The following SANBR variants were observed in gnomAD, a reference collection of about 807,000 sequenced individuals.
SANBR encodes SANT and BTB domain regulator of CSR.
Under a neutral mutation model 101.8 loss-of-function variants are expected in SANBR, and 77 were observed. The ratio of observed to expected loss-of-function variants is 0.76; its 90% CI spans 0.63 to 0.91. The LOEUF is 0.91. Among genes scored for constraint, SANBR ranks in the 40% least tolerant of loss-of-function variants. SANBR has a pLI of 0.00. For missense variants in SANBR, 875 were observed against 853.0 expected (o/e 1.03, Z -0.32); for synonymous variants, 279 against 274.7 (o/e 1.02, Z -0.15).
chr2:61,098,796 A>G (rs772904986), intron 12 of SANBR, among the ~76,000 whole-genome samples: 1 of 152,256 alleles, frequency 6.6e-6, no homozygotes, highest in South Asian at 2.1e-4. Context: ...AAGATGTGCT[A>G]TACACTGTGC....
chr2:61,098,008 C>G (rs575720944), intron 12 of SANBR, among the ~76,000 whole-genome samples, 156 bp downstream of exon 12: 1 of 151,720 alleles, frequency 6.6e-6, no homozygotes, highest in Admixed American at 6.6e-5. Flanking sequence ...GAGATAATCA[C>G]TGTTAATGGT....
At chr2:61,095,879 G>A (rs529363078) in intron 11 of SANBR, among the ~76,000 whole-genome samples, 55 of 152,154 alleles carry the variant, frequency 3.6e-4, no homozygotes, top group African/African-American at 1.3e-3. Flanking sequence ...CACCTTTTCT[G>A]GTCCTTTCCC....
At chr2:61,072,182 G>A (rs748848262) in intron 4 of SANBR, among the ~76,000 whole-genome samples, 2 of 152,058 alleles carry the variant, frequency 1.3e-5, no homozygotes, top group Admixed American at 6.6e-5. Context: ...CAGGCCATCC[G>A]TCCGCCTCAG....
chr2:61,083,033 C>G (rs1463285678), intron 7 of SANBR, 121 bp from the exon 8 acceptor site: 1 of 769,128 alleles, frequency 1.3e-6, no homozygotes, highest in Non-Finnish European at 2.1e-6. Context: ...GGTGGCAAAA[C>G]CCAGTTAGTG....
chr2:61,133,456 T>C (rs573273171), intron 20 of SANBR, among the ~76,000 whole-genome samples: 1 of 151,292 alleles, frequency 6.6e-6, no homozygotes, highest in East Asian at 2.0e-4. Context: ...AATTTCACTT[T>C]CAATAAAAAA....
rs1684376108 is a variant in SANBR at position 61,122,538 on chromosome 2, A to G, written c.*376A>G. 2.0e-6 allele frequency: 2 copies of G among 1,003,996 alleles called. No homozygotes were observed. Among genetic ancestry groups the G allele is most frequent in the African/African-American group, 1.7e-5 (1 of 57,806 alleles). 62.2% of individuals were successfully genotyped at this position (1,003,996 alleles called of 1,614,324 possible). ...GGGGAACACAACTGGTAGTGTTACC[A>G]TGCATGGCACTGATTGTAGTATGTC... On this transcript the variant is annotated 3_prime_UTR_variant, in exon 22 of 22. Transcript: ENST00000402291.
downstream of SANBR, among the ~76,000 whole-genome samples, chr2:61,126,922 C>T (rs781388836): frequency 5.9e-5 from 9 of 152,122 alleles, no homozygotes; most frequent in East Asian, 3.8e-4. Flanking sequence ...TAGCCATTCC[C>T]GCTGTCTAGA....
rs1573648223 is a variant in SANBR at position 61,108,478 on chromosome 2, T to G, written c.1644+129T>G. ...AATGTACATCTTCCTTTTCAGATTC[T>G]CCTATTTTGCACTTAAGTAAAAATG... is the stretch of plus-strand genomic sequence containing the variant. On this transcript the variant is annotated intron_variant, in intron 15 of 21. Coordinates refer to ENST00000402291, the MANE Select transcript of SANBR (RefSeq NM_001129993.3). 5.3e-6 allele frequency: 3 copies of G among 565,686 alleles called. No homozygotes were observed. The African/African-American group carries it at 5.9e-5, about 11-fold the overall frequency. The allele number at this position is 565,686 out of a possible 1,614,324, so 35.0% of individuals were successfully genotyped here.
At position 61,071,786 on chromosome 2, in the gene SANBR, A is replaced by G. The variant is rs771642227; in HGVS notation, c.331A>G (p.Lys111Glu). 32 of 1,592,712 alleles carry G rather than the reference A, an allele frequency of 2.0e-5. No homozygotes were observed. The highest frequency in any genetic ancestry group is 2.6e-5 in the Non-Finnish European group (30 of 1,171,344). Residue 111 changes from lysine to glutamate, a missense_variant, in exon 4 of 22, where the codon AAA becomes GAA. By Grantham distance (56) the Lys-to-Glu change is moderately conservative. Transcript: ENST00000402291. The stretch of plus-strand genomic sequence containing the variant: ...TCCAGTTGGACATGATGCAGTTTCC[A>G]AAACTGGTAAGGTTTTAAACTAAAA... ...ETPVGHDAVS[K>E]TGRHSIASTR...
In SANBR at chr2:61,109,303, GT is replaced by G; in HGVS notation, c.1744+10del. The G allele has an allele frequency of 6.8e-7, 1 of 1,473,476 alleles. No individual in the cohort carries two copies. The highest frequency in any genetic ancestry group is 9.3e-7 in the Non-Finnish European group (1 of 1,077,360). The allele number at this position is 1,473,476 out of a possible 1,614,324, so 91.3% of individuals were successfully genotyped here. On this transcript the variant is annotated splice_region_variant and intron_variant, in intron 16 of 21. Coordinates refer to ENST00000402291, the MANE Select transcript of SANBR (RefSeq NM_001129993.3). ...GAAGTATCCAAGAAACAAAGTATTGGTTTATAAGTTAAAATCAAATCTCCCT... is the reference window on the plus strand; with the variant it reads ...GAAGTATCCAAGAAACAAAGTATTGGTTATAAGTTAAAATCAAATCTCCCT...
chr2:61,132,605 C>G (rs770884555), intron 20 of SANBR, among the ~76,000 whole-genome samples: 10 of 152,214 alleles, frequency 6.6e-5, no homozygotes, highest in Non-Finnish European at 1.2e-4. Context: ...GAAAAGCCAC[C>G]TGTCAGCTCT....
At position 61,123,380 on chromosome 2, in the gene SANBR, TTC is replaced by T. The variant is rs1291397735; in HGVS notation, c.*1220_*1221del. 1 of 983,352 alleles carries T rather than the reference TTC, an allele frequency of 1.0e-6. No individual in the cohort carries two copies. Among genetic ancestry groups the T allele is most frequent in the Non-Finnish European group, 1.2e-6 (1 of 827,980 alleles). 60.9% of individuals were successfully genotyped at this position (983,352 alleles called of 1,614,324 possible). A position where few individuals can be genotyped will look rare whatever the true frequency, so the allele number is the denominator to read the frequency against. On this transcript the variant is annotated 3_prime_UTR_variant, in exon 22 of 22. Transcript: ENST00000402291. ...ACTCAGTTTACACGTACAGAAATCA[TTC>T]TTTTTAGTGAGTCTTTTAGTTGATA...
At chr2:61,083,590 C>G (rs111748587) in intron 8 of SANBR, among the ~76,000 whole-genome samples, 2,172 of 151,596 alleles carry the variant, frequency 0.014, 64 homozygotes, top group African/African-American at 0.05. Context: ...AAAATTTTGA[C>G]CAGGCACAGT....
Position 61,109,234 on chromosome 2 carries a change from C to A in SANBR, c.1682C>A (p.Thr561Asn). The A allele has an allele frequency of 6.4e-7, 1 of 1,560,308 alleles. No individual in the cohort carries two copies. The highest frequency in any genetic ancestry group is 8.7e-7 in the Non-Finnish European group (1 of 1,150,566). ...QSLFSEEEEY[T>N]TGSEVTEDEV... ...CTGTTTTCAGAAGAAGAAGAATATA[C>A]CACTGGATCTGAGGTCACTGAAGAT... is the stretch of plus-strand genomic sequence containing the variant. The change falls in exon 16 of 22, where the codon ACC (threonine) becomes AAC (asparagine). Residue 561 changes from threonine to asparagine, a missense_variant. Thr to Asn is a moderately conservative substitution (Grantham distance 65). Transcript: ENST00000402291.
chr2:61,100,749 A>G (rs1489856869), intron 12 of SANBR, among the ~76,000 whole-genome samples: 1 of 152,206 alleles, frequency 6.6e-6, no homozygotes, highest in Admixed American at 6.5e-5. Context: ...AAGGTTTGAA[A>G]TAGTATTTTG....
chr2:61,096,655 CCTT>C (rs770173795), intron 11 of SANBR, among the ~76,000 whole-genome samples: 88 of 152,140 alleles, frequency 5.8e-4, no homozygotes, highest in Admixed American at 1.5e-3. Flanking sequence ...TTTAAGCAGT[CCTT>C]CTGCCTCAGC....
chr2:61,098,096 T>C (rs1017339710), intron 12 of SANBR, among the ~76,000 whole-genome samples: 1 of 103,084 alleles, frequency 9.7e-6, no homozygotes, highest in Non-Finnish European at 1.8e-5. Flanking sequence ...AGGTTTTTGT[T>C]TTTTGTTTTT....
intron 10 of SANBR, among the ~76,000 whole-genome samples, chr2:61,091,612 T>C (rs1573619742): frequency 1.3e-5 from 1 of 76,722 alleles, no homozygotes; most frequent in African/African-American, 5.4e-5. Flanking sequence ...AAAAAAAAAT[T>C]AGCCAGGTGT....
chr2:61,083,295 A>G lies in SANBR; in HGVS notation c.871A>G (p.Lys291Glu). 6.3e-7 allele frequency: 1 copy of G among 1,598,018 alleles called. No individual in the cohort carries two copies. The highest frequency in any genetic ancestry group is 1.1e-5 in the South Asian group (1 of 88,664). The change falls in exon 8 of 22, where the codon AAA becomes GAA. Residue 291 changes from lysine (K) to glutamate (E), a missense_variant. Lys to Glu is a moderately conservative substitution (Grantham distance 56). Transcript: ENST00000402291. The stretch of plus-strand genomic sequence containing the variant: ...CAATGAAGTTGATGATTTAAAGGAC[A>G]AAAAAGATAAATTTAAAAGGTAATT... The part of the protein sequence containing the change: ...SHNEVDDLKD[K>E]KDKFKSKLFC...
Sources: gnomAD v4.1 joint callset for allele counts (sites outside exome capture counted in the v4.1 genomes callset) on GRCh38, gnomAD v4.1.1 for gene constraint, MANE v1.5 for transcripts, NCBI Gene and HGNC (gene_info 2026-07-23, HGNC 2026-07-21) for gene names.